Variants in CDH13 observed in about 807,000 individuals in gnomAD.
CDH13 encodes cadherin-13.
Under a neutral mutation model 63.8 loss-of-function variants are expected in CDH13, and 24 were observed. That is an observed-to-expected ratio of 0.38 (90% CI 0.27 to 0.53). The LOEUF is 0.53. Among genes scored for constraint, CDH13 ranks in the 20% least tolerant of loss-of-function variants. The probability of loss-of-function intolerance (pLI) is 0.85; values close to 1 mark genes in which losing one functional copy is unlikely to be tolerated. For missense variants in CDH13, 1,049 were observed against 903.1 expected (o/e 1.16, Z -2.07); for synonymous variants, 503 against 355.3 (o/e 1.42, Z -4.67).
At chr16:82,957,048 T>C (rs1161425123) in intron 2 of CDH13, among the ~76,000 whole-genome samples, 1 of 152,142 alleles carries the variant, frequency 6.6e-6, no homozygotes, top group Non-Finnish European at 1.5e-5. Flanking sequence ...TTCCCTCTTA[T>C]TTTATGGCAT....
At chr16:82,675,633 G>A (rs926608996) in intron 1 of CDH13, among the ~76,000 whole-genome samples, 1 of 152,036 alleles carries the variant, frequency 6.6e-6, no homozygotes, top group African/African-American at 2.4e-5. Flanking sequence ...ATATTTTTTG[G>A]TGCGGAGGCC....
At chr16:83,331,190 T>G (rs980258733) in intron 5 of CDH13, among the ~76,000 whole-genome samples, 3 of 152,184 alleles carry the variant, frequency 2.0e-5, no homozygotes, top group Admixed American at 1.3e-4. Context: ...GAATCTCAGC[T>G]GTTTTCTAGT....
intron 6 of CDH13, among the ~76,000 whole-genome samples, chr16:83,443,735 A>AATATATATATATATATAT (rs1192288855): frequency 5.0e-5 from 1 of 20,124 alleles, no homozygotes; most frequent in Admixed American, 7.7e-4. Flanking sequence ...AAAAAAAAAA[A>AATATATATATATATATAT]ATATATATAT....
chr16:82,756,461 C>A (rs1029055596), intron 1 of CDH13, among the ~76,000 whole-genome samples: 1 of 152,164 alleles, frequency 6.6e-6, no homozygotes, highest in Non-Finnish European at 1.5e-5. Context: ...CTCCTTTAAC[C>A]TGCGTGGCAA....
chr16:83,184,455 C>T (rs1176000260), intron 4 of CDH13, among the ~76,000 whole-genome samples: 3 of 152,110 alleles, frequency 2.0e-5, no homozygotes, highest in Non-Finnish European at 4.4e-5. Context: ...CAAGGCTTGA[C>T]GTAGATGTGA....
intron 10 of CDH13, among the ~76,000 whole-genome samples, chr16:83,734,992 T>A (rs1911400336): frequency 1.3e-5 from 1 of 79,152 alleles, no homozygotes; most frequent in Non-Finnish European, 2.8e-5. Context: ...ACAATTTCTG[T>A]GGTTATTCAA....
chr16:83,394,362 A>C (rs2091844870), intron 6 of CDH13, among the ~76,000 whole-genome samples: 1 of 152,164 alleles, frequency 6.6e-6, no homozygotes, highest in African/African-American at 2.4e-5. Context: ...ATTTGAACAC[A>C]GCCTGAAAGA....
intron 6 of CDH13, among the ~76,000 whole-genome samples, chr16:83,474,788 G>A (rs2073558964): frequency 6.6e-6 from 1 of 152,218 alleles, no homozygotes; most frequent in South Asian, 2.1e-4. Flanking sequence ...TAGGGCTGGA[G>A]AAGGCACTCC....
chr16:83,249,973 C>G (rs759627571), intron 5 of CDH13, among the ~76,000 whole-genome samples: 11 of 152,164 alleles, frequency 7.2e-5, no homozygotes, highest in Non-Finnish European at 1.3e-4. Flanking sequence ...CAAAATAGCC[C>G]TATTGGTAAC....
intron 6 of CDH13, among the ~76,000 whole-genome samples, chr16:83,484,337 T>G (rs571165064): frequency 6.6e-6 from 1 of 152,364 alleles, no homozygotes; most frequent in Non-Finnish European, 1.5e-5. Flanking sequence ...AATAGACATC[T>G]GCGGCTTTGA....
chr16:82,961,691 C>T lies in CDH13; in HGVS notation c.158-70319C>T, dbSNP rs9888760. On this transcript the variant is annotated intron_variant, in intron 2 of 13. Coordinates refer to ENST00000567109, the MANE Select transcript of CDH13 (RefSeq NM_001257.5). ...TTTTTCAAAGTTACCCATGCTATTC[C>T]AACGTACAGCCAGGAATGAGAACAA... 2.2e-3 allele frequency among the ~76,000 whole-genome samples: 341 copies of T among 152,002 alleles called. 2 individuals are homozygous for T. Among genetic ancestry groups the T allele is most frequent in the African/African-American group, 7.9e-3 (328 of 41,436 alleles).
chr16:83,426,239 C>G (rs1264913874), intron 6 of CDH13, among the ~76,000 whole-genome samples: 2 of 152,146 alleles, frequency 1.3e-5, no homozygotes, highest in African/African-American at 4.8e-5. Flanking sequence ...GATTCTAGGG[C>G]TCTGGATTCT....
intron 1 of CDH13, among the ~76,000 whole-genome samples, chr16:82,646,767 A>G (rs1178729307): frequency 6.6e-6 from 1 of 152,146 alleles, no homozygotes; most frequent in East Asian, 1.9e-4. Flanking sequence ...AAGGAAGGAG[A>G]AAGTAATGAT....
intron 4 of CDH13, among the ~76,000 whole-genome samples, chr16:83,136,014 C>T (rs2036265667): frequency 6.6e-6 from 1 of 151,818 alleles, no homozygotes; most frequent in South Asian, 2.1e-4. Context: ...ACTTTGGGGA[C>T]TGGGAGGAAA....
intron 2 of CDH13, among the ~76,000 whole-genome samples, chr16:83,017,195 C>T (rs768475991): frequency 6.6e-6 from 1 of 152,138 alleles, no homozygotes. Context: ...ATTCATTTTC[C>T]TTGACCCTCT....
chr16:82,950,527 C>T (rs1276104236), intron 2 of CDH13, among the ~76,000 whole-genome samples: 2 of 152,098 alleles, frequency 1.3e-5, no homozygotes, highest in Non-Finnish European at 2.9e-5. Flanking sequence ...AGTGGTCTCC[C>T]TATTCGCTTG....
intron 2 of CDH13, among the ~76,000 whole-genome samples, chr16:82,959,207 C>A (rs1011565287): frequency 2.0e-5 from 3 of 152,162 alleles, no homozygotes; most frequent in Admixed American, 2.0e-4. Context: ...CTTCCTGAAT[C>A]TTTTCTACAT....
chr16:83,660,141 C>T (rs939898921), intron 8 of CDH13, among the ~76,000 whole-genome samples: 8 of 152,056 alleles, frequency 5.3e-5, no homozygotes, highest in African/African-American at 1.2e-4. Context: ...AGTTTTTCCA[C>T]GGACCAGGAT....
intron 1 of CDH13, chr16:82,829,572 AAG>A (rs1443582671): frequency 6.6e-6 from 1 of 152,242 alleles, no homozygotes; most frequent in Admixed American, 6.5e-5. Context: ...CTGAAAGGGA[AAG>A]AGGGGGAAAC....
Sources: allele counts gnomAD v4.1 joint callset (sites outside exome capture counted in the v4.1 genomes callset), GRCh38; gene constraint gnomAD v4.1.1; transcripts MANE v1.5; gene names NCBI Gene and HGNC (gene_info 2026-07-23, HGNC 2026-07-21).